The following LRRTM3 variants were observed in gnomAD, a reference collection of about 807,000 sequenced individuals.
The protein encoded by LRRTM3 is leucine-rich repeat transmembrane neuronal protein 3.
A neutral mutation model predicts 44.7 loss-of-function variants in LRRTM3; 24 were observed. That is an observed-to-expected ratio of 0.54 (90% CI 0.39 to 0.76). The LOEUF is 0.76. LRRTM3 is among the 30% of genes least tolerant of loss of function. The pLI is 0.00. For synonymous variants in LRRTM3, 277 were observed against 278.7 expected, an observed-to-expected ratio of 0.99 and a Z score of 0.06; for missense variants, 587 against 702.2, an observed-to-expected ratio of 0.84 and a Z score of 1.85.
chr10:66,951,414 C>A (rs1347555610), intron 2 of LRRTM3, among the ~76,000 whole-genome samples: 1 of 152,102 alleles, frequency 6.6e-6, no homozygotes, highest in Non-Finnish European at 1.5e-5. Context: ...CCATGCCCAG[C>A]CCAACACCAT....
At chr10:67,004,954 A>G (rs1258663017) in intron 2 of LRRTM3, among the ~76,000 whole-genome samples, 1 of 152,142 alleles carries the variant, frequency 6.6e-6, no homozygotes, top group Non-Finnish European at 1.5e-5. Flanking sequence ...CCCCCAAAGA[A>G]AAGGACAAAA....
chr10:66,979,964 T>A (rs1850315689), intron 2 of LRRTM3, among the ~76,000 whole-genome samples: 1 of 152,300 alleles, frequency 6.6e-6, no homozygotes. Flanking sequence ...GGGGGTTCCA[T>A]CAAGTTTTTA....
At chr10:66,942,780 T>C (rs1469825980) in intron 2 of LRRTM3, among the ~76,000 whole-genome samples, 2 of 152,186 alleles carry the variant, frequency 1.3e-5, no homozygotes, top group Non-Finnish European at 2.9e-5. Flanking sequence ...ACTTAGTAAC[T>C]ATTACATTTC....
At chr10:66,960,026 AAGCC>A (rs1211128715) in intron 2 of LRRTM3, among the ~76,000 whole-genome samples, 3 of 152,268 alleles carry the variant, frequency 2.0e-5, no homozygotes, top group Admixed American at 1.3e-4. Context: ...AAGTCTCTTC[AAGCC>A]AGGTATGTAA....
chr10:67,045,804 A>G (rs955195553), intron 2 of LRRTM3, among the ~76,000 whole-genome samples: 5 of 152,172 alleles, frequency 3.3e-5, no homozygotes, highest in African/African-American at 9.6e-5. Flanking sequence ...TCTATACCAC[A>G]TTGCTAGTTA....
chr10:67,052,371 G>T (rs1855163203), intron 2 of LRRTM3, among the ~76,000 whole-genome samples: 1 of 145,906 alleles, frequency 6.9e-6, no homozygotes, highest in South Asian at 2.2e-4. Context: ...AGCACTAAGC[G>T]GCCAATGCCT....
chr10:67,066,688 C>T (rs1399104392), intron 2 of LRRTM3, among the ~76,000 whole-genome samples: 4 of 152,100 alleles, frequency 2.6e-5, no homozygotes, highest in Non-Finnish European at 5.9e-5. Context: ...AATTGTTAAA[C>T]AAATATTATC....
At chr10:67,001,325 G>A (rs2204244) in intron 2 of LRRTM3, among the ~76,000 whole-genome samples, 46,913 of 149,586 alleles carry the variant, frequency 0.31, 7,642 homozygotes, top group Middle Eastern at 0.5. Flanking sequence ...AAAAAAAAGA[G>A]AAAAAAATTA....
chr10:67,053,601 A>C (rs1050087206), intron 2 of LRRTM3, among the ~76,000 whole-genome samples: 2 of 152,178 alleles, frequency 1.3e-5, no homozygotes, highest in Non-Finnish European at 2.9e-5. Context: ...CATCTGAAGC[A>C]CTTTTTGCTC....
intron 2 of LRRTM3, among the ~76,000 whole-genome samples, chr10:67,080,890 G>C (rs1857014686): frequency 6.7e-6 from 1 of 149,314 alleles, no homozygotes; most frequent in Non-Finnish European, 1.5e-5. Context: ...GCCTGGGCGA[G>C]AGAGCGAGAC....
At chr10:66,935,044 C>T (rs993057716) in intron 2 of LRRTM3, among the ~76,000 whole-genome samples, 1 of 152,034 alleles carries the variant, frequency 6.6e-6, no homozygotes, top group African/African-American at 2.4e-5. Context: ...GGGTGGCCCT[C>T]ATGTAGCTAA....
intron 2 of LRRTM3, among the ~76,000 whole-genome samples, chr10:67,080,684 C>T (rs866159033): frequency 1.7e-3 from 261 of 151,672 alleles, no homozygotes; most frequent in Middle Eastern, 6.9e-3. Flanking sequence ...CTGAGGCGGG[C>T]GGATCACGAG....
intron 2 of LRRTM3, among the ~76,000 whole-genome samples, chr10:66,935,017 T>A (rs960103934): frequency 2.6e-5 from 4 of 152,066 alleles, no homozygotes; most frequent in African/African-American, 7.2e-5. Context: ...CCTTGAGTGG[T>A]GTTCATAGCT....
chr10:66,954,493 G>T (rs1198049345), intron 2 of LRRTM3, among the ~76,000 whole-genome samples: 1 of 152,104 alleles, frequency 6.6e-6, no homozygotes, highest in Non-Finnish European at 1.5e-5. Flanking sequence ...ACACGGTCCC[G>T]CAATGGATTA....
chr10:67,064,093 T>A (rs1855921291), intron 2 of LRRTM3, among the ~76,000 whole-genome samples: 1 of 152,228 alleles, frequency 6.6e-6, no homozygotes, highest in Non-Finnish European at 1.5e-5. Flanking sequence ...TTATTTCTAG[T>A]TAGCCCTTGA....
chr10:66,961,099 A>G (rs1377161974), intron 2 of LRRTM3, among the ~76,000 whole-genome samples: 1 of 152,254 alleles, frequency 6.6e-6, no homozygotes, highest in Non-Finnish European at 1.5e-5. Context: ...AAAATGTTCA[A>G]TAGCAAGGTC....
chr10:67,070,546 A>G (rs1004536601), intron 2 of LRRTM3, among the ~76,000 whole-genome samples: 4 of 152,074 alleles, frequency 2.6e-5, no homozygotes, highest in African/African-American at 9.7e-5. Flanking sequence ...CCGGAGATCG[A>G]GACCATCTTG....
At chr10:66,929,570 A>G (rs1371152187) in intron 2 of LRRTM3, among the ~76,000 whole-genome samples, 1 of 152,192 alleles carries the variant, frequency 6.6e-6, no homozygotes, top group East Asian at 1.9e-4. Flanking sequence ...CCTCATTGAA[A>G]AGGACGACTT....
chr10:66,978,526 CAAAAA>C (rs1170594360), intron 2 of LRRTM3, among the ~76,000 whole-genome samples: 1 of 42,316 alleles, frequency 2.4e-5, no homozygotes, highest in Non-Finnish European at 3.9e-5. Flanking sequence ...GACTCCATCT[CAAAAA>C]AAAAAAAAAA....
Sources: gnomAD v4.1 joint callset for allele counts (sites outside exome capture counted in the v4.1 genomes callset) on GRCh38, gnomAD v4.1.1 for gene constraint, MANE v1.5 for transcripts, NCBI Gene and HGNC (gene_info 2026-07-23, HGNC 2026-07-21) for gene names.